The following DZIP3 variants were observed in gnomAD, a reference collection of about 807,000 sequenced individuals.
DZIP3 encodes the protein DAZ interacting zinc finger protein 3, also known as E3 ubiquitin-protein ligase DZIP3.
A neutral mutation model predicts 162.0 loss-of-function variants in DZIP3; 118 were observed. The ratio of observed to expected loss-of-function variants is 0.73; its 90% CI spans 0.63 to 0.85. The LOEUF (loss-of-function observed/expected upper bound fraction) is 0.85, where lower values mean the gene tolerates loss of function less well. Among genes scored for constraint, DZIP3 ranks in the 40% least tolerant of loss-of-function variants. The pLI, the probability that DZIP3 is intolerant of heterozygous loss-of-function variation, is 0.00. For synonymous variants in DZIP3, 438 were observed against 458.6 expected, an observed-to-expected ratio of 0.96 and a Z score of 0.57; for missense variants, 1,331 against 1,407.0, an observed-to-expected ratio of 0.95 and a Z score of 0.86.
At chr3:108,657,654 G>A (rs1271671069) in intron 19 of DZIP3, among the ~76,000 whole-genome samples, 8 of 152,140 alleles carry the variant, frequency 5.3e-5, no homozygotes, top group Non-Finnish European at 1.2e-4. Flanking sequence ...AACCTTAAAT[G>A]TAAATGGGTT....
chr3:108,618,215 A>G (rs1000264806), intron 5 of DZIP3, among the ~76,000 whole-genome samples: 3 of 152,220 alleles, frequency 2.0e-5, no homozygotes, highest in South Asian at 2.1e-4. Flanking sequence ...TACAACTTGC[A>G]TCTTTAAATT....
At chr3:108,678,497 G>A (rs1944193207) in intron 26 of DZIP3, among the ~76,000 whole-genome samples, 1 of 151,928 alleles carries the variant, frequency 6.6e-6, no homozygotes, top group South Asian at 2.1e-4. Flanking sequence ...TTCTACTTTA[G>A]ACTTTCTTTT....
chr3:108,594,947 T>C (rs1559713013), intron 1 of DZIP3, among the ~76,000 whole-genome samples: 1 of 152,354 alleles, frequency 6.6e-6, no homozygotes, highest in East Asian at 1.9e-4. Flanking sequence ...TCCATTTCAC[T>C]TAAAAAATGT....
chr3:108,662,580 A>G (rs1943488497), intron 21 of DZIP3, among the ~76,000 whole-genome samples: 1 of 152,204 alleles, frequency 6.6e-6, no homozygotes, highest in Admixed American at 6.5e-5. Context: ...CTGTTTCTAT[A>G]TAGTATATGA....
At chr3:108,659,929 A>G (rs2107286234) in intron 19 of DZIP3, among the ~76,000 whole-genome samples, 1 of 152,282 alleles carries the variant, frequency 6.6e-6, no homozygotes, top group East Asian at 1.9e-4. Flanking sequence ...TCCAACTTAC[A>G]AGGGATGTGA....
At chr3:108,629,848 A>AT (rs1002103627) in intron 8 of DZIP3, among the ~76,000 whole-genome samples, 4 of 151,462 alleles carry the variant, frequency 2.6e-5, no homozygotes, top group African/African-American at 4.8e-5. Context: ...TTTCTCAGTC[A>AT]TTAGACTATT....
chr3:108,629,237 A>C, intron 8 of DZIP3, 61 bp downstream of exon 8: 1 of 1,059,054 alleles, frequency 9.4e-7, no homozygotes, highest in Non-Finnish European at 1.4e-6. Flanking sequence ...CAACTATATC[A>C]TATTCTTACA....
chr3:108,646,265 T>C (rs552704583), intron 14 of DZIP3, among the ~76,000 whole-genome samples: 1 of 152,314 alleles, frequency 6.6e-6, no homozygotes, highest in East Asian at 1.9e-4. Context: ...TTGCTAAAAA[T>C]AGGTCCCAAC....
intron 8 of DZIP3, among the ~76,000 whole-genome samples, chr3:108,631,055 A>ACACACACACACACACACTCTCTCTCTCT: frequency 3.9e-4 from 7 of 18,014 alleles, no homozygotes; most frequent in Admixed American, 8.5e-4. Flanking sequence ...ACACACACAC[A>ACACACACACACACACACTCTCTCTCTCT]CTCTCTCTCT....
At position 108,662,112 on chromosome 3, in the gene DZIP3, ATAT is replaced by A. The variant is rs1943466138; in HGVS notation, c.2296-16_2296-14del. 1.3e-6 allele frequency: 2 copies of A among 1,579,394 alleles called. No individual in the cohort carries two copies. Among genetic ancestry groups the A allele is most frequent in the Non-Finnish European group, 1.7e-6 (2 of 1,168,516 alleles). On this transcript the variant is annotated splice_polypyrimidine_tract_variant and intron_variant, in intron 20 of 32. Coordinates refer to ENST00000361582, the MANE Select transcript of DZIP3 (RefSeq NM_014648.4). ...GACTTGAACATAATTATCTGAAATA[ATAT>A]TTTTTATTGATCAGGATTTCAAAAG...
In DZIP3 at chr3:108,688,027, C is replaced by T. The variant is rs1343491433; in HGVS notation, c.3201C>T (p.Ser1067=). 1 of 1,613,602 alleles carries T rather than the reference C, an allele frequency of 6.2e-7. No homozygotes were observed. The highest frequency in any genetic ancestry group is 1.1e-5 in the South Asian group (1 of 91,074). ...LRKLKDAYGK[S]LSELTFDEIV... ...AATTGAAGGATGCTTATGGAAAATC[C>T]TTGTCTGAACTGACATTTGATGAAA... The change falls in exon 29 of 33, where the codon TCC becomes TCT. Residue 1067 remains serine (S), a synonymous_variant. Transcript: ENST00000361582.
At chr3:108,665,412 A>G (rs1409939215) in intron 21 of DZIP3, among the ~76,000 whole-genome samples, 1 of 152,160 alleles carries the variant, frequency 6.6e-6, no homozygotes, top group African/African-American at 2.4e-5. Context: ...AATGAACTCA[A>G]TCTGAAGAAC....
intron 1 of DZIP3, among the ~76,000 whole-genome samples, chr3:108,601,590 A>T (rs1563169): frequency 0.23 from 35,058 of 152,096 alleles, 4,746 homozygotes; most frequent in Middle Eastern, 0.31. Flanking sequence ...TAAGTGCTAG[A>T]GTTGACAAGG....
chr3:108,626,014 G>T (rs1190687073), intron 7 of DZIP3, 45 bp downstream of exon 7: 1 of 1,593,016 alleles, frequency 6.3e-7, no homozygotes, highest in East Asian at 2.3e-5. Context: ...TGAAGTCTCA[G>T]CATTGTGAAA....
rs201147242 is a variant in DZIP3, at chr3:108,682,976, A to AT, written c.2884-1233dup. 6.6e-4 allele frequency among the ~76,000 whole-genome samples: 100 copies of AT among 150,954 alleles called. 2 individuals are homozygous for AT. In the East Asian group the frequency reaches 0.019, roughly 28 times the overall value. Reference sequence around the variant, plus strand: ...TTGACTCAGTACCCACCATTCATTCATTTTTTTAAGACTTTACATGTAAAA... The same window carrying AT: ...TTGACTCAGTACCCACCATTCATTCATTTTTTTTAAGACTTTACATGTAAAA... On this transcript the variant is annotated intron_variant, in intron 26 of 32. Coordinates refer to ENST00000361582, the MANE Select transcript of DZIP3 (RefSeq NM_014648.4).
At chr3:108,661,281 T>C (rs1201761608) in intron 19 of DZIP3, among the ~76,000 whole-genome samples, 2 of 152,178 alleles carry the variant, frequency 1.3e-5, no homozygotes, top group Non-Finnish European at 2.9e-5. Context: ...GTGGCACATA[T>C]ACACCACGGA....
chr3:108,682,976 ATTTT>A (rs201147242), intron 26 of DZIP3, among the ~76,000 whole-genome samples: 1 of 150,852 alleles, frequency 6.6e-6, no homozygotes, highest in Non-Finnish European at 1.5e-5. Flanking sequence ...CCATTCATTC[ATTTT>A]TTTAAGACTT....
intron 26 of DZIP3, among the ~76,000 whole-genome samples, chr3:108,679,628 A>G (rs946322053): frequency 6.6e-6 from 1 of 152,106 alleles, no homozygotes; most frequent in African/African-American, 2.4e-5. Context: ...TTTGCTGTAA[A>G]TTGAGATGGT....
At chr3:108,678,222 C>G (rs1282576198) in intron 26 of DZIP3, among the ~76,000 whole-genome samples, 1 of 151,706 alleles carries the variant, frequency 6.6e-6, no homozygotes, top group East Asian at 1.9e-4. Context: ...TGCAGAAAAA[C>G]AAGCTTGGGG....
Sources: allele counts gnomAD v4.1 joint callset (sites outside exome capture counted in the v4.1 genomes callset), GRCh38; gene constraint gnomAD v4.1.1; transcripts MANE v1.5; gene names NCBI Gene and HGNC (gene_info 2026-07-23, HGNC 2026-07-21).